Variants in DENND6A observed in about 807,000 individuals in gnomAD.
DENND6A encodes the protein protein DENND6A.
A neutral mutation model predicts 95.5 loss-of-function variants in DENND6A; 43 were observed. The observed-to-expected ratio is 0.45, with a 90% CI of 0.35 to 0.58. The LOEUF (loss-of-function observed/expected upper bound fraction) is 0.58, where lower values mean the gene tolerates loss of function less well. Among genes scored for constraint, DENND6A ranks in the 20% least tolerant of loss-of-function variants. The probability of loss-of-function intolerance (pLI) is 0.00; values close to 1 mark genes in which losing one functional copy is unlikely to be tolerated. For synonymous variants in DENND6A, 257 were observed against 260.4 expected, an observed-to-expected ratio of 0.99 and a Z score of 0.13; for missense variants, 574 against 736.0, an observed-to-expected ratio of 0.78 and a Z score of 2.55.
intron 15 of DENND6A, among the ~76,000 whole-genome samples, chr3:57,631,341 C>T (rs1432595545): frequency 1.3e-5 from 2 of 152,098 alleles, no homozygotes; most frequent in Non-Finnish European, 2.9e-5. Flanking sequence ...GGATTACAGG[C>T]GTGCGCCACC....
chr3:57,652,871 T>G (rs1328835184), intron 9 of DENND6A, among the ~76,000 whole-genome samples: 3 of 152,200 alleles, frequency 2.0e-5, no homozygotes, highest in African/African-American at 7.2e-5. Flanking sequence ...AGTCAGAGAC[T>G]AAAGAACTAT....
intron 15 of DENND6A, among the ~76,000 whole-genome samples, chr3:57,631,384 T>C (rs2070669845): frequency 2.0e-5 from 3 of 151,774 alleles, no homozygotes; most frequent in Admixed American, 2.0e-4. Context: ...TTAGTAGAGA[T>C]GGGGTTTTAC....
At chr3:57,640,243 T>G (rs1179273784) in intron 12 of DENND6A, among the ~76,000 whole-genome samples, 3 of 144,680 alleles carry the variant, frequency 2.1e-5, no homozygotes. Flanking sequence ...CACTCCAGCC[T>G]GGGTGACAGA....
chr3:57,657,486 C>A (rs2071349477), intron 9 of DENND6A, among the ~76,000 whole-genome samples, 194 bp downstream of exon 9: 2 of 152,182 alleles, frequency 1.3e-5, no homozygotes, highest in East Asian at 3.9e-4. Context: ...AATACATATT[C>A]TATATTTAAA....
chr3:57,641,224 T>C (rs2070924377), intron 12 of DENND6A, among the ~76,000 whole-genome samples: 1 of 143,954 alleles, frequency 6.9e-6, no homozygotes, highest in Admixed American at 7.2e-5. Flanking sequence ...TAAAAATATA[T>C]ATTTAAATAT....
chr3:57,633,548 A>G (rs1187783506), intron 14 of DENND6A, among the ~76,000 whole-genome samples, 194 bp from the exon 15 acceptor site: 4 of 152,308 alleles, frequency 2.6e-5, no homozygotes, highest in African/African-American at 4.8e-5. Context: ...GGAGCAAAAC[A>G]TAAGAGTTCT....
chr3:57,631,345 C>T (rs962650809), intron 15 of DENND6A, among the ~76,000 whole-genome samples: 10 of 151,820 alleles, frequency 6.6e-5, no homozygotes, highest in African/African-American at 1.2e-4. Context: ...TACAGGCGTG[C>T]GCCACCACGC....
At chr3:57,660,935 C>A in intron 6 of DENND6A, 96 bp from the exon 7 acceptor site, 1 of 1,057,864 alleles carries the variant, frequency 9.5e-7, no homozygotes. Flanking sequence ...TTCCATACAG[C>A]AGAAAAAATA....
rs543788982 is a variant in DENND6A, at chr3:57,627,032, A to C, written c.*1182T>G. On this transcript the variant is annotated 3_prime_UTR_variant, in exon 20 of 20. Coordinates refer to ENST00000311128, the MANE Select transcript of DENND6A (RefSeq NM_152678.3). ...ACTCATGAATGCCTTTGAAATAAGA[A>C]TAGTTCAGTTTAAAAAAATAGCTGA... 1 of 152,316 alleles carries C rather than the reference A, an allele frequency of 6.6e-6. No individual in the cohort carries two copies. Among genetic ancestry groups the C allele is most frequent in the African/African-American group, 2.4e-5 (1 of 41,566 alleles). 9.4% of individuals were successfully genotyped at this position (152,316 alleles called of 1,614,324 possible).
chr3:57,672,405 T>G lies in DENND6A; in HGVS notation c.271A>C (p.Arg91=). 1.2e-6 allele frequency: 2 copies of G among 1,613,012 alleles called. No individual in the cohort carries two copies. The highest frequency in any genetic ancestry group is 2.2e-5 in the South Asian group (2 of 91,038). ...IYPQHSKLTD[R]EKTNICYLSF... The stretch of plus-strand genomic sequence containing the variant: ...AGAGCAGTATTTTTACTTACTTCTC[T>G]GTCAGTAAGTTTGGAATGCTGAGGA... The change falls in exon 2 of 20, where the codon AGA becomes CGA. Residue 91 remains arginine (R), a synonymous_variant. Coordinates refer to ENST00000311128, the MANE Select transcript of DENND6A (RefSeq NM_152678.3).
intron 3 of DENND6A, among the ~76,000 whole-genome samples, chr3:57,671,652 G>A (rs1188647714): frequency 6.6e-5 from 10 of 152,156 alleles, no homozygotes; most frequent in Admixed American, 6.6e-4. Flanking sequence ...AGAAAAGCTA[G>A]TTTGAAAGTG....
At chr3:57,677,577 A>C (rs34710625) in intron 1 of DENND6A, among the ~76,000 whole-genome samples, 27,157 of 151,728 alleles carry the variant, frequency 0.18, 2,860 homozygotes, top group East Asian at 0.48. Context: ...CTGGGACTAC[A>C]GACATGCACC....
chr3:57,669,262 T>G (rs917763887), intron 3 of DENND6A, among the ~76,000 whole-genome samples: 3 of 152,100 alleles, frequency 2.0e-5, no homozygotes, highest in Non-Finnish European at 4.4e-5. Context: ...ACAAAACATA[T>G]AGTCTCTTGC....
chr3:57,658,808 T>A (rs1410881424), intron 8 of DENND6A, among the ~76,000 whole-genome samples: 1 of 152,156 alleles, frequency 6.6e-6, no homozygotes, highest in Non-Finnish European at 1.5e-5. Flanking sequence ...AAATCAGAAG[T>A]CTGCTGGTCA....
chr3:57,684,326 G>A (rs773612728), intron 1 of DENND6A, among the ~76,000 whole-genome samples: 6 of 151,936 alleles, frequency 3.9e-5, no homozygotes, highest in Non-Finnish European at 8.8e-5. Flanking sequence ...AGCTGGGTGC[G>A]GTGGCACGTG....
chr3:57,663,615 A>T (rs762990417), intron 5 of DENND6A, 21 bp downstream of exon 5: 1 of 1,514,754 alleles, frequency 6.6e-7, no homozygotes, highest in South Asian at 1.2e-5. Context: ...TACTTTTTTT[A>T]TTAGTGTGTA....
chr3:57,654,990 A>C (rs1220163032), intron 9 of DENND6A: 1 of 225,166 alleles, frequency 4.4e-6, no homozygotes, highest in African/African-American at 2.3e-5. Flanking sequence ...TCACTGTGTG[A>C]GATTATTTTT....
chr3:57,636,145 TA>T (rs1217556250), intron 12 of DENND6A, among the ~76,000 whole-genome samples: 1 of 152,194 alleles, frequency 6.6e-6, no homozygotes, highest in East Asian at 1.9e-4. Context: ...ATGGAGGAGT[TA>T]AAGGTATACA....
intron 12 of DENND6A, among the ~76,000 whole-genome samples, chr3:57,635,836 T>G (rs186438581): frequency 1.3e-5 from 2 of 152,300 alleles, no homozygotes; most frequent in East Asian, 3.9e-4. Context: ...ATACATGATT[T>G]TTTTTCCTGC....
Sources: allele counts gnomAD v4.1 joint callset (sites outside exome capture counted in the v4.1 genomes callset), GRCh38; gene constraint gnomAD v4.1.1; transcripts MANE v1.5; gene names NCBI Gene and HGNC (gene_info 2026-07-23, HGNC 2026-07-21).